Variants in BACH2 observed in about 807,000 individuals in gnomAD.
The protein encoded by BACH2 is transcription regulator protein BACH2.
In BACH2, 5 loss-of-function variants were observed where a neutral mutation model predicts 61.8. The ratio of observed to expected loss-of-function variants is 0.08; its 90% CI spans 0.04 to 0.17. BACH2 has a LOEUF of 0.17. Ranked by LOEUF, BACH2 falls within the 10% of genes least tolerant of loss-of-function variation. The pLI is 1.00. For missense variants in BACH2, 824 were observed against 1,091.1 expected (o/e 0.76, Z 3.45); for synonymous variants, 446 against 440.1 (o/e 1.01, Z -0.17).
Position 90,207,455 on chromosome 6 carries a change from A to T in BACH2, c.-274-774T>A, listed in dbSNP as rs1002838525. Among the ~76,000 whole-genome samples the T allele has an allele frequency of 2.6e-5, 4 of 152,316 alleles. 1 individual carries two copies. The highest frequency in any genetic ancestry group is 6.8e-3 in the Middle Eastern group (2 of 294). On this transcript the variant is annotated intron_variant, in intron 3 of 8. Transcript: ENST00000257749. The stretch of plus-strand genomic sequence containing the variant: ...GTCAAATATTAGGGGAAAATATTTT[A>T]AAAATGACTTCAATTACTTAAATGG...
chr6:89,949,979 G>A, intron 7 of BACH2: 1 of 464,184 alleles, frequency 2.2e-6, no homozygotes, highest in East Asian at 4.4e-5. Flanking sequence ...GGTCTGGAGT[G>A]CCTCAGTGTA....
chr6:90,162,771 G>T (rs967447995), intron 4 of BACH2, among the ~76,000 whole-genome samples: 1 of 152,166 alleles, frequency 6.6e-6, no homozygotes. Flanking sequence ...AAATCCAGGG[G>T]TGAAGGAACT....
At chr6:89,955,552 G>C (rs887257556) in intron 6 of BACH2, among the ~76,000 whole-genome samples, 1 of 152,092 alleles carries the variant, frequency 6.6e-6, no homozygotes, top group African/African-American at 2.4e-5. Flanking sequence ...TGTCACAAGG[G>C]TCCCTCCCAG....
rs201170817 is a variant in BACH2, at chr6:89,938,252, C to A, written c.1935G>T (p.Glu645Asp). The change falls in exon 8 of 9, where the codon GAG (glutamate) becomes GAT (aspartate). Residue 645 changes from glutamate (E) to aspartate (D), a missense_variant. Glu to Asp is a conservative substitution (Grantham distance 45). Around this residue, in one of 8 missense-constraint regions of BACH2, gnomAD observed 160 missense variants for 283.5 expected, o/e 0.56. Coordinates refer to ENST00000257749, the MANE Select transcript of BACH2 (RefSeq NM_021813.4). ...TGCGCCGTCGGACATCATGAATAAACTCTAACTGTTCTGAGGTTAGCTTGT... is the reference window on the plus strand; with the variant it reads ...TGCGCCGTCGGACATCATGAATAAAATCTAACTGTTCTGAGGTTAGCTTGT... The part of the protein sequence containing the change: ...KMHKLTSEQL[E>D]FIHDVRRRSK... 9.9e-6 allele frequency: 16 copies of A among 1,614,268 alleles called. No homozygotes were observed. In the East Asian group the frequency reaches 3.6e-4, roughly 36 times the overall value.
In BACH2 at chr6:89,951,689, G is replaced by A. The variant is rs1774135181; in HGVS notation, c.417C>T (p.Gly139=). 3.7e-6 allele frequency: 6 copies of A among 1,614,200 alleles called. No homozygotes were observed. Among genetic ancestry groups the A allele is most frequent in the Non-Finnish European group, 4.2e-6 (5 of 1,180,040 alleles). ...CAGCATCCTTCCGGCACACAAACAG[G>A]CCATCCTCACTGTTCAGGAGCTGGG... is the stretch of plus-strand genomic sequence containing the variant. The part of the protein sequence containing the change: ...LQTQLLNSED[G]LFVCRKDAAC... The change falls in exon 7 of 9, where the codon GGC becomes GGT. Residue 139 remains glycine (G), a synonymous_variant. Coordinates refer to ENST00000257749, the MANE Select transcript of BACH2 (RefSeq NM_021813.4). This position sits in a 1 kb window ranked among gnomAD's most constrained non-coding sequence, Gnocchi z 6.4.
At chr6:90,290,977 G>A (rs1772159401) in intron 1 of BACH2, among the ~76,000 whole-genome samples, 1 of 152,194 alleles carries the variant, frequency 6.6e-6, no homozygotes, top group African/African-American at 2.4e-5. Flanking sequence ...AATGAAAGCT[G>A]ACACAAGGAC....
At chr6:90,207,141 T>TA (rs1304179303) in intron 3 of BACH2, among the ~76,000 whole-genome samples, 1 of 152,134 alleles carries the variant, frequency 6.6e-6, no homozygotes, top group East Asian at 1.9e-4. Context: ...TTTTTTGGCA[T>TA]AGAGTCTCAT....
At chr6:89,968,905 G>T (rs556277686) in intron 6 of BACH2, among the ~76,000 whole-genome samples, 99 of 152,188 alleles carry the variant, frequency 6.5e-4, no homozygotes, top group African/African-American at 2.3e-3. Context: ...CAGCTACTTG[G>T]GGGGCTGAGG....
intron 7 of BACH2, among the ~76,000 whole-genome samples, chr6:89,947,647 G>C (rs1351955560): frequency 4.0e-5 from 6 of 151,538 alleles, no homozygotes; most frequent in Non-Finnish European, 8.8e-5. Context: ...CTCACTGCAA[G>C]CTCCGCCTCC....
chr6:89,971,322 T>G (rs982272991), intron 6 of BACH2, among the ~76,000 whole-genome samples: 3 of 152,206 alleles, frequency 2.0e-5, no homozygotes, highest in Admixed American at 2.0e-4. Flanking sequence ...ATTCACAATA[T>G]GGGATGTCAC....
chr6:90,280,257 T>C (rs1257636274), intron 1 of BACH2, among the ~76,000 whole-genome samples: 1 of 152,156 alleles, frequency 6.6e-6, no homozygotes, highest in Admixed American at 6.5e-5. Flanking sequence ...AAAGAAAAAT[T>C]TGAAGACATT....
At chr6:90,118,201 A>G (rs1783482260) in intron 4 of BACH2, among the ~76,000 whole-genome samples, 1 of 152,206 alleles carries the variant, frequency 6.6e-6, no homozygotes, top group Admixed American at 6.5e-5. Context: ...ATACTAACCA[A>G]GAAATCTGAA....
At chr6:89,980,104 G>A (rs1416937927) in intron 6 of BACH2, among the ~76,000 whole-genome samples, 12 of 152,112 alleles carry the variant, frequency 7.9e-5, no homozygotes, top group Non-Finnish European at 2.9e-5. Flanking sequence ...AGACCAGCCT[G>A]GCCAACATGG....
At chr6:90,023,050 G>T (rs1778459902) in intron 5 of BACH2, among the ~76,000 whole-genome samples, 1 of 152,194 alleles carries the variant, frequency 6.6e-6, no homozygotes. Context: ...AGAGCCACAT[G>T]CAGCAACGTG....
At chr6:90,223,982 T>C (rs974496960) in intron 3 of BACH2, among the ~76,000 whole-genome samples, 2 of 152,220 alleles carry the variant, frequency 1.3e-5, no homozygotes, top group Non-Finnish European at 2.9e-5. Flanking sequence ...GAAGCTGACA[T>C]GAACATAACA....
chr6:90,055,580 G>A (rs9444737), intron 5 of BACH2, among the ~76,000 whole-genome samples: 1 of 149,568 alleles, frequency 6.7e-6, no homozygotes, highest in Non-Finnish European at 1.5e-5. Flanking sequence ...CTTCCCCAAT[G>A]TAGCAAGGCA....
intron 4 of BACH2, among the ~76,000 whole-genome samples, chr6:90,191,904 A>C (rs1768587039): frequency 6.6e-6 from 1 of 152,252 alleles, no homozygotes; most frequent in East Asian, 1.9e-4. Flanking sequence ...ATTCATTCTT[A>C]AAATGACTCG....
chr6:90,085,790 C>A (rs376578439), intron 5 of BACH2, among the ~76,000 whole-genome samples: 8 of 152,302 alleles, frequency 5.3e-5, no homozygotes, highest in South Asian at 4.1e-4. Context: ...TTCTGCACAG[C>A]ACTCTTAGGA....
intron 7 of BACH2, among the ~76,000 whole-genome samples, chr6:89,939,650 ATATT>A (rs1426161424): frequency 1.7e-5 from 2 of 117,346 alleles, no homozygotes; most frequent in Non-Finnish European, 3.5e-5. Flanking sequence ...ATGATTGCTT[ATATT>A]TCTTTTTTTT....
Sources: allele counts gnomAD v4.1 joint callset (sites outside exome capture counted in the v4.1 genomes callset), GRCh38; gene constraint gnomAD v4.1.1; regional missense constraint gnomAD v4.1.1; non-coding constraint Gnocchi (gnomAD v3.1); transcripts MANE v1.5; gene names NCBI Gene and HGNC (gene_info 2026-07-23, HGNC 2026-07-21).